Variants in ZBTB16 observed in about 807,000 individuals in gnomAD.
ZBTB16 encodes zinc finger and BTB domain containing 16, also known as zinc finger and BTB domain-containing protein 16.
Under a neutral mutation model 56.8 loss-of-function variants are expected in ZBTB16, and 8 were observed. The ratio of observed to expected loss-of-function variants is 0.14; its 90% CI spans 0.08 to 0.25. ZBTB16 has a LOEUF of 0.25. ZBTB16 is among the 10% of genes least tolerant of loss of function. The probability of loss-of-function intolerance (pLI) is 1.00; values close to 1 mark genes in which losing one functional copy is unlikely to be tolerated. For synonymous variants in ZBTB16, 363 were observed against 368.5 expected (o/e 0.98, Z 0.17); for missense variants, 625 against 903.0 (o/e 0.69, Z 3.95).
chr11:114,205,557 C>G (rs1943847983), intron 4 of ZBTB16, among the ~76,000 whole-genome samples: 1 of 152,146 alleles, frequency 6.6e-6, no homozygotes, highest in African/African-American at 2.4e-5. Context: ...CTTAAGTGTG[C>G]ATTGTCAGAT....
At chr11:114,153,992 G>A (rs1565654735) in intron 2 of ZBTB16, among the ~76,000 whole-genome samples, 1 of 152,172 alleles carries the variant, frequency 6.6e-6, no homozygotes. Context: ...GCAAGTGCCT[G>A]TCATCTTTCA....
chr11:114,111,184 C>T (rs61165840), intron 2 of ZBTB16, among the ~76,000 whole-genome samples: 1,050 of 95,456 alleles, frequency 0.011, 19 homozygotes, highest in African/African-American at 0.045. Flanking sequence ...TGTGTGTGCA[C>T]GCGCGAGATA....
At chr11:114,157,194 G>T (rs1490655038) in intron 3 of ZBTB16, among the ~76,000 whole-genome samples, 4 of 152,142 alleles carry the variant, frequency 2.6e-5, no homozygotes, top group African/African-American at 7.2e-5. Flanking sequence ...CCTCATGTAG[G>T]CCAAGGCCTG....
chr11:114,107,858 G>GGA (rs939131354), intron 2 of ZBTB16, among the ~76,000 whole-genome samples: 4 of 151,988 alleles, frequency 2.6e-5, no homozygotes, highest in Admixed American at 1.3e-4. Context: ...TTTTATTTGA[G>GGA]GAGAGAGATT....
At chr11:114,095,091 A>C (rs1940331002) in intron 2 of ZBTB16, among the ~76,000 whole-genome samples, 2 of 152,174 alleles carry the variant, frequency 1.3e-5, no homozygotes, top group South Asian at 4.1e-4. Flanking sequence ...TCTTGTGACC[A>C]AGGCCAAGAA....
At chr11:114,084,755 A>T (rs1939900956) in intron 2 of ZBTB16, among the ~76,000 whole-genome samples, 1 of 152,176 alleles carries the variant, frequency 6.6e-6, no homozygotes, top group Non-Finnish European at 1.5e-5. Context: ...ATTGCTCAGG[A>T]TCATCTGGGA....
chr11:114,095,044 G>T (rs924096948), intron 2 of ZBTB16, among the ~76,000 whole-genome samples: 3 of 152,200 alleles, frequency 2.0e-5, no homozygotes, highest in Non-Finnish European at 4.4e-5. Context: ...CTGCAAACGT[G>T]AGAGGGGGTT....
chr11:114,125,608 C>T (rs533572815), intron 2 of ZBTB16, among the ~76,000 whole-genome samples: 34 of 151,752 alleles, frequency 2.2e-4, no homozygotes, highest in Non-Finnish European at 4.6e-4. Context: ...CTTGCCTTCA[C>T]AAGGAGGAGA....
intron 4 of ZBTB16, among the ~76,000 whole-genome samples, chr11:114,239,032 C>G (rs1197852258): frequency 6.6e-6 from 1 of 152,206 alleles, no homozygotes; most frequent in Non-Finnish European, 1.5e-5. Context: ...AGTGCCTGTA[C>G]TTGGTAGTGG....
chr11:114,223,760 G>A (rs926751948), intron 4 of ZBTB16, among the ~76,000 whole-genome samples: 5 of 152,252 alleles, frequency 3.3e-5, no homozygotes, highest in South Asian at 4.2e-4. Flanking sequence ...TAGAGCACAC[G>A]TGAGCAACCT....
At chr11:114,114,302 G>A (rs970941156) in intron 2 of ZBTB16, among the ~76,000 whole-genome samples, 2 of 152,208 alleles carry the variant, frequency 1.3e-5, no homozygotes, top group East Asian at 1.9e-4. Flanking sequence ...TTGGGATGAC[G>A]GGGATGGGAG....
intron 4 of ZBTB16, among the ~76,000 whole-genome samples, chr11:114,228,619 G>A (rs1944376924): frequency 6.6e-6 from 1 of 152,200 alleles, no homozygotes; most frequent in Non-Finnish European, 1.5e-5. Context: ...CAGTGCACGG[G>A]GCTGGGAGCG....
chr11:114,147,055 G>T (rs139465616), intron 2 of ZBTB16, among the ~76,000 whole-genome samples: 1 of 152,292 alleles, frequency 6.6e-6, no homozygotes, highest in Non-Finnish European at 1.5e-5. Context: ...GTTCATAATT[G>T]ATGTTTAGAG....
At chr11:114,140,410 A>G (rs1941915301) in intron 2 of ZBTB16, among the ~76,000 whole-genome samples, 1 of 152,188 alleles carries the variant, frequency 6.6e-6, no homozygotes, top group Non-Finnish European at 1.5e-5. Context: ...TTGGTGTCTT[A>G]TGCTTTGGTT....
chr11:114,083,435 C>G (rs1939846532), intron 2 of ZBTB16, among the ~76,000 whole-genome samples: 1 of 152,184 alleles, frequency 6.6e-6, no homozygotes, highest in African/African-American at 2.4e-5. Context: ...AGGAGCCATG[C>G]CCACTTGTCT....
chr11:114,220,390 CATGT>C (rs1565693156), intron 4 of ZBTB16, among the ~76,000 whole-genome samples: 1 of 152,134 alleles, frequency 6.6e-6, no homozygotes, highest in African/African-American at 2.4e-5. Flanking sequence ...GCAATGCATG[CATGT>C]GAGTGTGTGT....
chr11:114,161,458 A>G (rs1942587360), intron 3 of ZBTB16, among the ~76,000 whole-genome samples: 1 of 152,176 alleles, frequency 6.6e-6, no homozygotes, highest in South Asian at 2.1e-4. Context: ...AGAGTGGGAG[A>G]TGAGTATGAC....
At chr11:114,067,185 T>C (rs952085356) in intron 2 of ZBTB16, among the ~76,000 whole-genome samples, 3 of 152,178 alleles carry the variant, frequency 2.0e-5, no homozygotes, top group African/African-American at 7.2e-5. Flanking sequence ...GGTGGAGAAC[T>C]GACCATCTGT....
chr11:114,131,656 G>A (rs948184135), intron 2 of ZBTB16, among the ~76,000 whole-genome samples: 1 of 152,148 alleles, frequency 6.6e-6, no homozygotes, highest in African/African-American at 2.4e-5. Flanking sequence ...TCCGAGAGGG[G>A]GGACATAGCT....
Sources: allele counts gnomAD v4.1 joint callset (sites outside exome capture counted in the v4.1 genomes callset), GRCh38; gene constraint gnomAD v4.1.1; transcripts MANE v1.5; gene names NCBI Gene and HGNC (gene_info 2026-07-23, HGNC 2026-07-21).